GRID1: variants seen among roughly 807,000 people sequenced by gnomAD.
GRID1 encodes glutamate ionotropic receptor delta type subunit 1.
In GRID1, 28 loss-of-function variants were observed where a neutral mutation model predicts 98.0. That is an observed-to-expected ratio of 0.29 (90% confidence interval 0.21 to 0.39). The LOEUF (loss-of-function observed/expected upper bound fraction) is 0.39, where lower values mean the gene tolerates loss of function less well. Among genes scored for constraint, GRID1 ranks in the 10% least tolerant of loss-of-function variants. The probability of loss-of-function intolerance (pLI) is 1.00; values close to 1 mark genes in which losing one functional copy is unlikely to be tolerated. For synonymous variants in GRID1, 553 were observed against 538.5 expected, an observed-to-expected ratio of 1.03 and a Z score of -0.37; for missense variants, 1,111 against 1,340.5, an observed-to-expected ratio of 0.83 and a Z score of 2.67.
chr10:86,312,242 T>C (rs559510705), intron 2 of GRID1, among the ~76,000 whole-genome samples: 1 of 152,338 alleles, frequency 6.6e-6, no homozygotes, highest in East Asian at 1.9e-4. Context: ...TCAAAACAAA[T>C]TCCCCCATGC....
intron 5 of GRID1, among the ~76,000 whole-genome samples, chr10:85,876,570 T>C (rs1189421761): frequency 1.3e-5 from 2 of 152,224 alleles, no homozygotes; most frequent in East Asian, 1.9e-4. Flanking sequence ...TTGGATATCT[T>C]TGGAGTCCAT....
At chr10:86,007,604 C>A (rs1211762781) in intron 4 of GRID1, among the ~76,000 whole-genome samples, 1 of 152,150 alleles carries the variant, frequency 6.6e-6, no homozygotes, top group Non-Finnish European at 1.5e-5. Flanking sequence ...AAACAAGCAA[C>A]TTTTAATAAC....
At chr10:85,667,317 A>AGG (rs1841032219) in intron 12 of GRID1, among the ~76,000 whole-genome samples, 1 of 87,594 alleles carries the variant, frequency 1.1e-5, no homozygotes. Context: ...ACACACACAC[A>AGG]GAGAGAGAGA....
chr10:86,352,290 G>T (rs1040700733), intron 2 of GRID1, among the ~76,000 whole-genome samples: 2 of 152,196 alleles, frequency 1.3e-5, no homozygotes, highest in African/African-American at 4.8e-5. Context: ...GCTCCCTCAG[G>T]CAGTCAGTGC....
chr10:85,644,059 T>A (rs1176797492), intron 13 of GRID1: 2 of 152,186 alleles, frequency 1.3e-5, no homozygotes, highest in East Asian at 3.9e-4. Context: ...GAGGGCTCAG[T>A]GGTGTGTGTT....
At chr10:86,186,606 G>A (rs1015096813) in intron 3 of GRID1, among the ~76,000 whole-genome samples, 1 of 152,160 alleles carries the variant, frequency 6.6e-6, no homozygotes, top group East Asian at 1.9e-4. Context: ...AAGTTCAATA[G>A]CCTGCCTGAA....
chr10:86,280,254 A>C (rs745824680), intron 2 of GRID1, among the ~76,000 whole-genome samples: 7 of 152,226 alleles, frequency 4.6e-5, no homozygotes, highest in African/African-American at 1.2e-4. Context: ...TATATTACAA[A>C]TTTAAAATTT....
At chr10:85,972,382 C>T (rs894705618) in intron 4 of GRID1, among the ~76,000 whole-genome samples, 1 of 149,686 alleles carries the variant, frequency 6.7e-6, no homozygotes, top group African/African-American at 2.5e-5. Flanking sequence ...TTCCCACAGG[C>T]CAGCCATCCC....
rs1019072211 is a variant in GRID1 at position 85,770,766 on chromosome 10, G to A, written c.1234-41152C>T. 2.0e-5 allele frequency among the ~76,000 whole-genome samples: 3 copies of A among 152,212 alleles called. No individual in the cohort carries two copies. In the South Asian group the frequency reaches 6.2e-4, roughly 32 times the overall value. ...TGAATGAAATGAAGTGAGAAGGGAA[G>A]TTTAGAGAAAAAAGAATAAAAAGAA... On this transcript the variant is annotated intron_variant, in intron 8 of 15. Transcript: ENST00000327946.
intron 5 of GRID1, among the ~76,000 whole-genome samples, chr10:85,894,420 T>C (rs562227037): frequency 2.6e-5 from 4 of 152,262 alleles, no homozygotes; most frequent in South Asian, 2.1e-4. Context: ...TCCATTGATA[T>C]AAAATTCTAG....
intron 2 of GRID1, among the ~76,000 whole-genome samples, chr10:86,312,846 C>T (rs534787911): frequency 8.5e-5 from 13 of 152,322 alleles, no homozygotes; most frequent in South Asian, 2.1e-4. Flanking sequence ...GCCACATTAG[C>T]GGTGGCCCAC....
intron 4 of GRID1, among the ~76,000 whole-genome samples, chr10:86,137,137 T>C (rs1437697514): frequency 1.3e-5 from 2 of 152,182 alleles, no homozygotes; most frequent in Non-Finnish European, 2.9e-5. Context: ...CCAGTCTTAG[T>C]TATGTGTTAA....
intron 2 of GRID1, among the ~76,000 whole-genome samples, chr10:86,230,470 G>A (rs1198449610): frequency 6.6e-6 from 1 of 152,150 alleles, no homozygotes; most frequent in African/African-American, 2.4e-5. Flanking sequence ...ACAACCAAAG[G>A]ACAGCAGACA....
intron 4 of GRID1, among the ~76,000 whole-genome samples, chr10:86,039,238 C>T (rs774684165): frequency 6.6e-6 from 1 of 152,194 alleles, no homozygotes; most frequent in Non-Finnish European, 1.5e-5. Context: ...TATTCCTCCA[C>T]CCTCAACCTT....
Position 85,655,821 on chromosome 10 carries a change from C to T in GRID1, c.1998-8424G>A, listed in dbSNP as rs183586958. Among the ~76,000 whole-genome samples, 99 of 152,260 alleles carry T rather than the reference C, an allele frequency of 6.5e-4. 1 individual carries two copies. The highest frequency in any genetic ancestry group is 2.4e-3 in the African/African-American group (99 of 41,556). On this transcript the variant is annotated intron_variant, in intron 12 of 15. Transcript: ENST00000327946. Reference sequence around the variant, plus strand: ...TTAAAATGACAGCTTTGTTTTTACTCCTATGCATGTCTAACTCTGTTTGTC... The same window carrying T: ...TTAAAATGACAGCTTTGTTTTTACTTCTATGCATGTCTAACTCTGTTTGTC...
intron 4 of GRID1, among the ~76,000 whole-genome samples, chr10:86,135,612 C>A (rs1378607183): frequency 1.3e-5 from 2 of 151,980 alleles, no homozygotes; most frequent in Non-Finnish European, 2.9e-5. Context: ...CTAGGTGGGG[C>A]CTGACACACA....
chr10:85,711,015 C>T (rs1841576228), intron 12 of GRID1, among the ~76,000 whole-genome samples: 1 of 151,976 alleles, frequency 6.6e-6, no homozygotes, highest in Non-Finnish European at 1.5e-5. Context: ...ATTTCTTGTG[C>T]ATTGCTGGTG....
intron 4 of GRID1, among the ~76,000 whole-genome samples, chr10:86,070,595 T>C (rs887063298): frequency 6.6e-6 from 1 of 152,152 alleles, no homozygotes; most frequent in Non-Finnish European, 1.5e-5. Flanking sequence ...CAGTGGACAC[T>C]GGGAACTATC....
At chr10:86,270,168 ACT>A (rs1301820361) in intron 2 of GRID1, among the ~76,000 whole-genome samples, 1 of 151,806 alleles carries the variant, frequency 6.6e-6, no homozygotes, top group Non-Finnish European at 1.5e-5. Context: ...ACAATGATAA[ACT>A]CTTTCCCTCA....
Sources: gnomAD v4.1 joint callset for allele counts (sites outside exome capture counted in the v4.1 genomes callset) on GRCh38, gnomAD v4.1.1 for gene constraint, MANE v1.5 for transcripts, NCBI Gene and HGNC (gene_info 2026-07-23, HGNC 2026-07-21) for gene names.